Variants in TLK1 observed in about 807,000 individuals in gnomAD.
TLK1 encodes the protein serine/threonine-protein kinase tousled-like 1.
In TLK1, 24 loss-of-function variants were observed where a neutral mutation model predicts 105.3. That is an observed-to-expected ratio of 0.23 (90% CI 0.17 to 0.32). The LOEUF is 0.32. Among genes scored for constraint, TLK1 ranks in the 10% least tolerant of loss-of-function variants. The pLI, the probability that TLK1 is intolerant of heterozygous loss-of-function variation, is 1.00. For missense variants in TLK1, 558 were observed against 910.5 expected, an observed-to-expected ratio of 0.61 and a Z score of 4.98; for synonymous variants, 321 against 310.4, an observed-to-expected ratio of 1.03 and a Z score of -0.36.
intron 18 of TLK1, among the ~76,000 whole-genome samples, chr2:170,998,077 TCTATCTATCTATCTAC>T (rs1167208522): frequency 0.077 from 8,074 of 104,896 alleles, 338 homozygotes; most frequent in African/African-American, 0.14. Context: ...TATCTATCTA[TCTATCTATCTATCTAC>T]CTACCTACCT....
At chr2:171,078,956 A>G (rs1351418381) in intron 3 of TLK1, among the ~76,000 whole-genome samples, 1 of 152,136 alleles carries the variant, frequency 6.6e-6, no homozygotes, top group African/African-American at 2.4e-5. Context: ...CTGAAGTCCA[A>G]ATTCTTTACT....
intron 1 of TLK1, among the ~76,000 whole-genome samples, chr2:171,216,546 C>G (rs548219456): frequency 2.6e-5 from 4 of 152,226 alleles, no homozygotes; most frequent in African/African-American, 9.6e-5. Context: ...ATTCCAAGGT[C>G]TTATTTGACT....
At chr2:171,034,307 G>A (rs1381953523) in intron 11 of TLK1, among the ~76,000 whole-genome samples, 2 of 152,218 alleles carry the variant, frequency 1.3e-5, no homozygotes, top group African/African-American at 4.8e-5. Context: ...GTTTATAGCA[G>A]AACTATTTAT....
chr2:171,075,124 T>C (rs1688441115), intron 3 of TLK1, among the ~76,000 whole-genome samples: 1 of 152,094 alleles, frequency 6.6e-6, no homozygotes, highest in Admixed American at 6.5e-5. Flanking sequence ...TACCTCTGTT[T>C]TCAAATAGAA....
At chr2:171,028,132 C>CTGG (rs1685867727) in intron 12 of TLK1, among the ~76,000 whole-genome samples, 2 of 152,176 alleles carry the variant, frequency 1.3e-5, no homozygotes, top group Non-Finnish European at 2.9e-5. Flanking sequence ...CGCTGCACTC[C>CTGG]AGCCTGAGTG....
In TLK1 at chr2:171,007,051, A is replaced by G; in HGVS notation, c.1429T>C (p.Tyr477His). The part of the protein sequence containing the change: ...FSEVYKAFDL[Y>H]EQRYAAVKIH... ...TTCACAGCAGCATATCTTTGTTCAT[A>G]AAGGTCAAAAGCCTAGGATTTCAAG... Residue 477 changes from tyrosine (Y) to histidine (H), a missense_variant, in exon 15 of 21, where the codon TAT becomes CAT. Tyr to His is a moderately conservative substitution (Grantham distance 83, BLOSUM62 2). This residue lies in a region of TLK1 where 218 missense variants were observed against 492.9 expected (regional missense o/e 0.44). Transcript: ENST00000431350. 1.2e-6 allele frequency: 2 copies of G among 1,604,432 alleles called. No individual in the cohort carries two copies. The highest frequency in any genetic ancestry group is 1.7e-6 in the Non-Finnish European group (2 of 1,177,718).
chr2:171,068,427 C>G (rs1425439335), intron 3 of TLK1, among the ~76,000 whole-genome samples: 4 of 152,180 alleles, frequency 2.6e-5, no homozygotes, highest in Admixed American at 6.5e-5. Flanking sequence ...CTGCCTCAGG[C>G]TCCCAAGTAC....
At chr2:171,127,289 A>G (rs1024800932) in intron 1 of TLK1, among the ~76,000 whole-genome samples, 1 of 146,396 alleles carries the variant, frequency 6.8e-6, no homozygotes, top group Non-Finnish European at 1.5e-5. Flanking sequence ...AAAAAAAAAA[A>G]AAAAGAAAGA....
intron 1 of TLK1, among the ~76,000 whole-genome samples, chr2:171,138,003 C>T (rs1691405267): frequency 6.6e-6 from 1 of 151,982 alleles, no homozygotes; most frequent in Non-Finnish European, 1.5e-5. Context: ...GTTATTTTTA[C>T]TTCATACAAA....
At chr2:171,174,822 T>G (rs1692790570) in intron 1 of TLK1, among the ~76,000 whole-genome samples, 2 of 152,184 alleles carry the variant, frequency 1.3e-5, no homozygotes, top group South Asian at 4.1e-4. Context: ...CTGTAGCTAC[T>G]TATTATTTAG....
chr2:171,047,777 CAG>C (rs1179922881), intron 10 of TLK1, among the ~76,000 whole-genome samples: 1 of 152,084 alleles, frequency 6.6e-6, no homozygotes, highest in East Asian at 1.9e-4. Flanking sequence ...GCTGATTACT[CAG>C]GGATGACTAT....
intron 1 of TLK1, among the ~76,000 whole-genome samples, chr2:171,151,899 G>C (rs1222912678): frequency 6.6e-6 from 1 of 152,154 alleles, no homozygotes; most frequent in Non-Finnish European, 1.5e-5. Context: ...GCAAGGAAAA[G>C]GGAAATTTTA....
At chr2:171,022,086 A>AACACACACACACACACAG (rs1553605636) in intron 12 of TLK1, among the ~76,000 whole-genome samples, 1 of 103,010 alleles carries the variant, frequency 9.7e-6, no homozygotes, top group Admixed American at 1.0e-4. Flanking sequence ...CTGGGCGAAA[A>AACACACACACACACACAG]ACACACACAC....
chr2:171,068,011 A>G (rs1433227824), intron 3 of TLK1, among the ~76,000 whole-genome samples: 1 of 152,108 alleles, frequency 6.6e-6, no homozygotes, highest in African/African-American at 2.4e-5. Context: ...TTAATCAGAA[A>G]AAAAGTGATC....
chr2:171,146,269 A>T (rs1387428603), intron 1 of TLK1, among the ~76,000 whole-genome samples: 1 of 151,942 alleles, frequency 6.6e-6, no homozygotes. Flanking sequence ...GGCTGCAGTG[A>T]GCTATGATTG....
intron 1 of TLK1, among the ~76,000 whole-genome samples, chr2:171,158,103 G>T (rs1350313176): frequency 6.6e-6 from 1 of 152,104 alleles, no homozygotes; most frequent in African/African-American, 2.4e-5. Context: ...TGACACTCAG[G>T]GCTTCATATT....
intron 4 of TLK1, chr2:171,059,859 A>G (rs1358430350): frequency 2.4e-6 from 2 of 849,260 alleles, no homozygotes; most frequent in Non-Finnish European, 4.1e-6. Flanking sequence ...ATGAGAATCT[A>G]ACGCTGCCGC....
chr2:171,169,790 G>A lies in TLK1; in HGVS notation c.-5-51933C>T, dbSNP rs543473655. ...CCAAGAAAAAGAAGGATTAACAGGGGCTAGAAGAAAAACAAAACGTTTGGT... is the reference window on the plus strand; with the variant it reads ...CCAAGAAAAAGAAGGATTAACAGGGACTAGAAGAAAAACAAAACGTTTGGT... On this transcript the variant is annotated intron_variant, in intron 1 of 20. Coordinates refer to the TLK1 transcript ENST00000521943. Among the ~76,000 whole-genome samples the A allele has an allele frequency of 6.6e-5, 10 of 152,266 alleles. No homozygotes were observed. The East Asian group carries it at 1.9e-3, about 29-fold the overall frequency.
intron 1 of TLK1, among the ~76,000 whole-genome samples, chr2:171,191,486 G>A (rs776005914): frequency 8.5e-5 from 13 of 152,258 alleles, no homozygotes; most frequent in Non-Finnish European, 1.5e-4. Context: ...GACTGGGGCA[G>A]TAGGATTGGT....
Sources: gnomAD v4.1 joint callset for allele counts (sites outside exome capture counted in the v4.1 genomes callset) on GRCh38, gnomAD v4.1.1 for gene constraint, gnomAD v4.1.1 regional missense constraint, MANE v1.5 for transcripts, NCBI Gene and HGNC (gene_info 2026-07-23, HGNC 2026-07-21) for gene names.